Variants in CFAP99 observed in about 807,000 individuals in gnomAD.
The protein encoded by CFAP99 is cilia- and flagella-associated protein 99.
Under a neutral mutation model 82.7 loss-of-function variants are expected in CFAP99, and 84 were observed. The observed-to-expected ratio is 1.02, with a 90% CI of 0.85 to 1.22. CFAP99 has a LOEUF of 1.22. Ranked by LOEUF, CFAP99 falls within the 50% of genes most tolerant of loss-of-function variation. The probability of loss-of-function intolerance (pLI) is 0.00; values close to 1 mark genes in which losing one functional copy is unlikely to be tolerated. For missense variants in CFAP99, 1,059 were observed against 983.5 expected, an observed-to-expected ratio of 1.08 and a Z score of -1.03; for synonymous variants, 456 against 429.5, an observed-to-expected ratio of 1.06 and a Z score of -0.76.
Position 2,458,646 on chromosome 4 carries a change from C to T in CFAP99, c.1162-77C>T, listed in dbSNP as rs537772368. The T allele has an allele frequency of 6.5e-5, 95 of 1,465,730 alleles. No homozygotes were observed. In the East Asian group the frequency reaches 1.0e-3, roughly 16 times the overall value. 90.8% of individuals were successfully genotyped at this position (1,465,730 alleles called of 1,614,324 possible). A position where few individuals can be genotyped will look rare whatever the true frequency, so the allele number is the denominator to read the frequency against. On this transcript the variant is annotated intron_variant, in intron 11 of 14. Coordinates refer to ENST00000635017, the Ensembl canonical transcript of CFAP99. ...GGGTCCACCTTCAGACCTCATGCTG[C>T]GCCCTGGGCTGGGGCGGGACCAGGC...
chr4:2,458,110 C>A (rs570029053), intron 11 of CFAP99, among the ~76,000 whole-genome samples: 2 of 152,340 alleles, frequency 1.3e-5, no homozygotes, highest in South Asian at 2.1e-4. Flanking sequence ...AGCCGTCTCC[C>A]TGTGCCATGG....
chr4:2,454,581 C>CTTTTTTTTTTTTGTTTTTTTTTTTTTTT (rs1459688913), intron 11 of CFAP99, among the ~76,000 whole-genome samples: 4 of 94,716 alleles, frequency 4.2e-5, no homozygotes, highest in Non-Finnish European at 6.4e-5. Flanking sequence ...TGTTTTTTTT[C>CTTTTTTTTTTTTGTTTTTTTTTTTTTTT]TTTTTTTTTT....
At chr4:2,430,125 A>G (rs112146755) in intron 2 of CFAP99, among the ~76,000 whole-genome samples, 100 of 129,802 alleles carry the variant, frequency 7.7e-4, no homozygotes, top group East Asian at 9.5e-4. Context: ...TACGCAATAC[A>G]TAAACCAAAC....
chr4:2,428,682 G>T (rs566497846), intron 2 of CFAP99: 159 of 152,724 alleles, frequency 1.0e-3, no homozygotes, highest in Non-Finnish European at 2.0e-3. Context: ...CGCCAGGCCT[G>T]CATCTCACCT....
At chr4:2,438,217 T>G (rs2108720734) in intron 4 of CFAP99, 53 bp downstream of exon 4, 1 of 1,016,772 alleles carries the variant, frequency 9.8e-7, no homozygotes, top group Non-Finnish European at 1.5e-6. Context: ...GTGAGGTCCG[T>G]CTGATCCTCG....
exon 2 of CFAP99, chr4:2,426,556 G>T: frequency 1.3e-6 from 2 of 1,536,010 alleles, no homozygotes; most frequent in African/African-American, 2.7e-5. Context: ...ACCCTGAGCA[G>T]TTCCTGGAGG....
intron 14 of CFAP99, 120 bp downstream of exon 14, chr4:2,460,362 C>A: frequency 1.1e-6 from 1 of 890,832 alleles, no homozygotes; most frequent in Non-Finnish European, 1.7e-6. Flanking sequence ...CCAGGAAGTT[C>A]CCTTGCCGTA....
Position 2,458,926 on chromosome 4 carries a change from C to A in CFAP99, c.1303+62C>A, listed in dbSNP as rs920333009. Reference sequence around the variant, plus strand: ...TCTTCCCCACTCGGGTGCTGGGCTGCCACCCTTTCCTGAGTGAGCCACTAT... The same window carrying A: ...TCTTCCCCACTCGGGTGCTGGGCTGACACCCTTTCCTGAGTGAGCCACTAT... On this transcript the variant is annotated intron_variant, in intron 12 of 14. Coordinates refer to ENST00000635017, the Ensembl canonical transcript of CFAP99. The A allele has an allele frequency of 2.0e-6, 3 of 1,491,244 alleles. No homozygotes were observed. The South Asian group carries it at 3.9e-5, about 19-fold the overall frequency. 92.4% of individuals were successfully genotyped at this position (1,491,244 alleles called of 1,614,324 possible).
chr4:2,436,758 G>T, intron 2 of CFAP99, 116 bp from the exon 3 acceptor site: 1 of 804,682 alleles, frequency 1.2e-6, no homozygotes, highest in South Asian at 1.7e-5. Flanking sequence ...CCCACTAACA[G>T]GCCCTTTGCA....
In CFAP99 at chr4:2,438,473, A is replaced by G. The variant is rs191281662; in HGVS notation, c.351+309A>G. Reference sequence around the variant, plus strand: ...GAGACGGGGTTTCACCATGTTACCCAGGATGGTCTCAATCTCCTGACCTCG... The same window carrying G: ...GAGACGGGGTTTCACCATGTTACCCGGGATGGTCTCAATCTCCTGACCTCG... On this transcript the variant is annotated intron_variant, in intron 4 of 14. Transcript: ENST00000635017. 5.9e-5 allele frequency among the ~76,000 whole-genome samples: 9 copies of G among 152,182 alleles called. No individual in the cohort carries two copies. In the East Asian group the frequency reaches 1.6e-3, roughly 26 times the overall value.
At chr4:2,431,066 T>C (rs1292983647) in intron 2 of CFAP99, among the ~76,000 whole-genome samples, 1 of 150,968 alleles carries the variant, frequency 6.6e-6, no homozygotes, top group Non-Finnish European at 1.5e-5. Flanking sequence ...AGTAAGATCC[T>C]GGCTCTTAAA....
In CFAP99 at chr4:2,440,239, C is replaced by T. The variant is rs372611848; in HGVS notation, c.351+2075C>T. On this transcript the variant is annotated intron_variant, in intron 4 of 14. Coordinates refer to ENST00000635017, the Ensembl canonical transcript of CFAP99. ...TCGGCTCACTGCAAGCTCCGCCTCC[C>T]GGGTTCACGCCATTCTCCTGCCTCA... 3.4e-4 allele frequency among the ~76,000 whole-genome samples: 47 copies of T among 137,544 alleles called. 1 individual carries two copies. The East Asian group carries it at 0.011, about 31-fold the overall frequency. The allele number at this position is 137,544 out of a possible 152,430, so 90.2% of individuals were successfully genotyped here. A position where few individuals can be genotyped will look rare whatever the true frequency, so the allele number is the denominator to read the frequency against.
chr4:2,454,595 T>TTTTTTTTTTTTTTTTTTTTTTTTGG (rs1734384944), intron 11 of CFAP99, among the ~76,000 whole-genome samples: 4 of 107,950 alleles, frequency 3.7e-5, no homozygotes, highest in Admixed American at 8.8e-5. Flanking sequence ...TTTTTTTTTG[T>TTTTTTTTTTTTTTTTTTTTTTTTGG]TTTTTTTTTT....
At chr4:2,419,833 C>T (rs920337091) in intron 1 of CFAP99, among the ~76,000 whole-genome samples, 1 of 152,102 alleles carries the variant, frequency 6.6e-6, no homozygotes. Context: ...ACCACCCAGT[C>T]GACCCTCTGA....
rs544548986 is a variant in CFAP99, at chr4:2,452,344, C to T, written c.1159C>T (p.Gln387Ter). The change falls in exon 11 of 15, where the codon CAG (glutamine) becomes TAG (stop). Residue 387 changes from glutamine to a stop codon, truncating the protein, a stop_gained and splice_region_variant. Coordinates refer to ENST00000635017, the Ensembl canonical transcript of CFAP99. LOFTEE classifies it high-confidence loss of function. ...GCAGAGGGTGGAGCAGCAGAAGGAGCAGGTGGGTGCCATGCAGGGCAGCTG... is the reference window on the plus strand; with the variant it reads ...GCAGAGGGTGGAGCAGCAGAAGGAGTAGGTGGGTGCCATGCAGGGCAGCTG... The T allele has an allele frequency of 6.5e-7, 1 of 1,533,980 alleles. No individual in the cohort carries two copies. The highest frequency in any genetic ancestry group is 1.4e-5 in the African/African-American group (1 of 73,044).
Position 2,462,682 on chromosome 4 carries a change from G to A in CFAP99, c.1901G>A (p.Gly634Glu). 1.6e-6 allele frequency: 2 copies of A among 1,259,938 alleles called. No homozygotes were observed. The highest frequency in any genetic ancestry group is 2.0e-6 in the Non-Finnish European group (2 of 1,003,458). 78.0% of individuals were successfully genotyped at this position (1,259,938 alleles called of 1,614,324 possible). The stretch of plus-strand genomic sequence containing the variant: ...TGGGGATGGCGGGCGCGGCGCGCAG[G>A]GACCGGCGTCCCGGGGCGGGGATGG... The change falls in exon 15 of 15, where the codon GGG (glycine) becomes GAG (glutamate). Residue 634 changes from glycine to glutamate, a missense_variant. Gly to Glu is a moderately conservative substitution (Grantham distance 98, BLOSUM62 -2). Transcript: ENST00000635017. This position sits in a 1 kb window ranked among gnomAD's most constrained non-coding sequence, Gnocchi z 4.1.
At chr4:2,430,594 A>G (rs117999581) in intron 2 of CFAP99, among the ~76,000 whole-genome samples, 24 of 151,226 alleles carry the variant, frequency 1.6e-4, no homozygotes, top group Admixed American at 2.0e-4. Flanking sequence ...TCCGGACAGC[A>G]GACTGCGGTG....
At chr4:2,423,014 AGTTT>A (rs1733614669) in intron 1 of CFAP99, among the ~76,000 whole-genome samples, 1 of 152,306 alleles carries the variant, frequency 6.6e-6, no homozygotes, top group Middle Eastern at 3.4e-3. Context: ...TACGCTGTGG[AGTTT>A]TAAAAAACGT....
intron 4 of CFAP99, among the ~76,000 whole-genome samples, chr4:2,441,050 C>A (rs1454618691): frequency 7.2e-6 from 1 of 138,758 alleles, no homozygotes; most frequent in Non-Finnish European, 1.6e-5. Flanking sequence ...AGAGCAAGAC[C>A]CCTTCCTAAA....
Sources: gnomAD v4.1 joint callset for allele counts (sites outside exome capture counted in the v4.1 genomes callset) on GRCh38, gnomAD v4.1.1 for gene constraint, Gnocchi (gnomAD v3.1) non-coding constraint, MANE v1.5 for transcripts, NCBI Gene and HGNC (gene_info 2026-07-23, HGNC 2026-07-21) for gene names.